The following CSMD2 variants were observed in gnomAD, a reference collection of about 807,000 sequenced individuals.
CSMD2 encodes CUB and sushi domain-containing protein 2.
Under a neutral mutation model 398.5 loss-of-function variants are expected in CSMD2, and 130 were observed. The ratio of observed to expected loss-of-function variants is 0.33; its 90% confidence interval spans 0.28 to 0.38. The LOEUF is 0.38. Among genes scored for constraint, CSMD2 ranks in the 10% least tolerant of loss-of-function variants. The pLI, the probability that CSMD2 is intolerant of heterozygous loss-of-function variation, is 1.00. For synonymous variants in CSMD2, 1,828 were observed against 1,908.5 expected (o/e 0.96, Z 1.10); for missense variants, 3,829 against 4,764.9 (o/e 0.80, Z 5.78).
intron 5 of CSMD2, among the ~76,000 whole-genome samples, chr1:33,904,075 G>A (rs1184614783): frequency 1.3e-5 from 2 of 152,148 alleles, no homozygotes; most frequent in Admixed American, 1.3e-4. Flanking sequence ...GGACAATGTA[G>A]GGTCTTGTAG....
At chr1:33,596,658 C>T (rs986058094) in intron 44 of CSMD2, among the ~76,000 whole-genome samples, 2 of 152,124 alleles carry the variant, frequency 1.3e-5, no homozygotes, top group Non-Finnish European at 2.9e-5. Context: ...AGGGAAGCCC[C>T]TTATAAAACC....
chr1:33,869,964 T>G (rs1292931223), intron 5 of CSMD2, among the ~76,000 whole-genome samples: 1 of 152,236 alleles, frequency 6.6e-6, no homozygotes, highest in Non-Finnish European at 1.5e-5. Context: ...TTCCCTCAAA[T>G]TCCAACAGAG....
intron 5 of CSMD2, among the ~76,000 whole-genome samples, chr1:33,894,990 A>G (rs938569966): frequency 6.6e-6 from 1 of 151,920 alleles, no homozygotes; most frequent in Non-Finnish European, 1.5e-5. Context: ...ACCACATCCA[A>G]CCCCAACATC....
At chr1:33,864,242 T>G in intron 5 of CSMD2, 1 of 1,612,820 alleles carries the variant, frequency 6.2e-7, no homozygotes, top group African/African-American at 1.3e-5. Flanking sequence ...CTTCTTACGT[T>G]CACTTTTTGC....
At chr1:33,789,600 GTGGAGTGGGCAACT>G in intron 11 of CSMD2, among the ~76,000 whole-genome samples, 1 of 152,396 alleles carries the variant, frequency 6.6e-6, no homozygotes, top group East Asian at 1.9e-4. Flanking sequence ...GCAGGGGGTT[GTGGAGTGGGCAACT>G]GAACTAATGA....
intron 44 of CSMD2, among the ~76,000 whole-genome samples, chr1:33,588,797 A>G (rs995200819): frequency 1.3e-5 from 2 of 152,178 alleles, no homozygotes; most frequent in Non-Finnish European, 2.9e-5. Flanking sequence ...TAGCTATGAA[A>G]GACTCAGTGG....
intron 25 of CSMD2, among the ~76,000 whole-genome samples, chr1:33,687,666 A>T (rs1333816149): frequency 2.0e-5 from 3 of 152,190 alleles, no homozygotes; most frequent in Non-Finnish European, 4.4e-5. Context: ...ATATTCTTCA[A>T]TGCCCATGGA....
intron 22 of CSMD2, among the ~76,000 whole-genome samples, chr1:33,706,780 G>A (rs956939907): frequency 1.3e-5 from 2 of 151,952 alleles, no homozygotes; most frequent in African/African-American, 4.8e-5. Context: ...GTGTGTGTGT[G>A]CATGTACGTG....
intron 47 of CSMD2, among the ~76,000 whole-genome samples, chr1:33,581,164 C>T (rs1314187143): frequency 6.6e-6 from 1 of 151,938 alleles, no homozygotes; most frequent in Non-Finnish European, 1.5e-5. Flanking sequence ...TGAGACTTGA[C>T]AAGGTCAAGT....
chr1:33,745,240 G>A (rs1647247568), intron 13 of CSMD2, among the ~76,000 whole-genome samples: 1 of 152,140 alleles, frequency 6.6e-6, no homozygotes, highest in South Asian at 2.1e-4. Flanking sequence ...AATGGATAAA[G>A]ACTGGACATA....
At chr1:34,102,178 C>A (rs536954269) in intron 1 of CSMD2, among the ~76,000 whole-genome samples, 1 of 151,988 alleles carries the variant, frequency 6.6e-6, no homozygotes, top group Non-Finnish European at 1.5e-5. Flanking sequence ...CTACAGGTGC[C>A]CGCCACCACG....
chr1:33,768,536 ATGTGTGTGTGTGTGTGTGTGTG>A (rs60273744), intron 13 of CSMD2, among the ~76,000 whole-genome samples: 5 of 142,156 alleles, frequency 3.5e-5, no homozygotes, highest in African/African-American at 1.3e-4. Context: ...GTGTGCGTGC[ATGTGTGTGTGTGTGTGTGTGTG>A]TGTGTGTGTG....
intron 15 of CSMD2, among the ~76,000 whole-genome samples, chr1:33,732,718 C>G (rs970078782): frequency 3.9e-5 from 6 of 152,146 alleles, no homozygotes; most frequent in African/African-American, 1.4e-4. Flanking sequence ...GGTTGCTGTC[C>G]CCTGTGAGGG....
intron 21 of CSMD2, among the ~76,000 whole-genome samples, chr1:33,711,677 T>C (rs1457320835): frequency 6.6e-6 from 1 of 152,226 alleles, no homozygotes; most frequent in Non-Finnish European, 1.5e-5. Context: ...TCTTGCCCTC[T>C]GCCTAATTCT....
At chr1:34,102,277 G>A (rs886206305) in intron 1 of CSMD2, among the ~76,000 whole-genome samples, 2 of 152,090 alleles carry the variant, frequency 1.3e-5, no homozygotes, top group South Asian at 2.1e-4. Context: ...TGATCCACCC[G>A]CCTCGGCCTC....
chr1:33,611,096 C>T lies in CSMD2; in HGVS notation c.6288G>A (p.Val2096=), dbSNP rs1324895645. ...TCTGGGAGTGGTCGCTGTGGAAATA[C>T]ACGGTGGTCTCGTGGGACGTGGAGA... is the stretch of plus-strand genomic sequence containing the variant. ...SLLSTSHETT[V]YFHSDHSQNR... Residue 2096 remains valine, a synonymous_variant, in exon 41 of 71, where the codon GTG becomes GTA. Transcript: ENST00000373381. 1.2e-6 allele frequency: 2 copies of T among 1,614,096 alleles called. No individual in the cohort carries two copies. The highest frequency in any genetic ancestry group is 2.2e-5 in the South Asian group (2 of 91,024).
At chr1:33,977,269 G>T (rs1646000703) in intron 3 of CSMD2, among the ~76,000 whole-genome samples, 1 of 152,018 alleles carries the variant, frequency 6.6e-6, no homozygotes, top group African/African-American at 2.4e-5. Flanking sequence ...TGTTGGTGGT[G>T]AGGGAGGTGA....
rs1219837828 is a variant in CSMD2 at position 33,726,656 on chromosome 1, T to C, written c.2398A>G (p.Ser800Gly). 4 of 1,612,558 alleles carry C rather than the reference T, an allele frequency of 2.5e-6. 1 individual carries two copies. Among genetic ancestry groups the C allele is most frequent in the Middle Eastern group, 3.3e-4 (2 of 6,082 alleles). The change falls in exon 16 of 71, where the codon AGC becomes GGC. Residue 800 changes from serine (S) to glycine (G), a missense_variant. Ser to Gly is a moderately conservative substitution (Grantham distance 56, BLOSUM62 0). Around this residue, in one of 5 missense-constraint regions of CSMD2, gnomAD observed 2,001 missense variants for 2,567.1 expected, o/e 0.78. Coordinates refer to ENST00000373381, the MANE Select transcript of CSMD2 (RefSeq NM_001281956.2). ...APCGGHLTSP[S>G]GTILSPGWPG... Reference sequence around the variant, plus strand: ...CAGCCCGGAGAGAGGATGGTGCCGCTGGGCGAAGTCAGGTGACCACCACAG... The same window carrying C: ...CAGCCCGGAGAGAGGATGGTGCCGCCGGGCGAAGTCAGGTGACCACCACAG...
intron 5 of CSMD2, among the ~76,000 whole-genome samples, chr1:33,873,004 T>C (rs1223252739): frequency 6.6e-6 from 1 of 152,222 alleles, no homozygotes; most frequent in African/African-American, 2.4e-5. Context: ...TAGCAGTGTT[T>C]ATAGCCATTC....
Sources: gnomAD v4.1 joint callset for allele counts (sites outside exome capture counted in the v4.1 genomes callset) on GRCh38, gnomAD v4.1.1 for gene constraint, gnomAD v4.1.1 regional missense constraint, MANE v1.5 for transcripts, NCBI Gene and HGNC (gene_info 2026-07-23, HGNC 2026-07-21) for gene names.